The following DYNLL1 variants were observed in gnomAD, a reference collection of about 807,000 sequenced individuals.
DYNLL1 encodes the protein dynein light chain 1, cytoplasmic.
DYNLL1 carries 3 observed loss-of-function variants against 10.1 expected under a neutral mutation model. That is an observed-to-expected ratio of 0.30 (90% CI 0.14 to 0.77). The LOEUF (loss-of-function observed/expected upper bound fraction) is 0.77. Ranked by LOEUF, DYNLL1 falls within the 30% of genes least tolerant of loss-of-function variation. The pLI, the probability that DYNLL1 is intolerant of heterozygous loss-of-function variation, is 0.66. For missense variants in DYNLL1, 47 were observed against 111.7 expected, an observed-to-expected ratio of 0.42 and a Z score of 2.61; for synonymous variants, 46 against 41.2, an observed-to-expected ratio of 1.12 and a Z score of -0.45.
intron 2 of DYNLL1, chr12:120,497,355 A>G (rs1174253662): frequency 6.6e-6 from 1 of 152,662 alleles, no homozygotes; most frequent in Non-Finnish European, 1.5e-5. Context: ...TTAGGGTGGG[A>G]GAAATGGTGA....
chr12:120,479,767 G>C (rs887311854), intron 1 of DYNLL1, among the ~76,000 whole-genome samples: 1 of 152,320 alleles, frequency 6.6e-6, no homozygotes, highest in African/African-American at 2.4e-5. Flanking sequence ...GTTCAGCACA[G>C]TTAGAGCATG....
chr12:120,498,298 G>C lies in DYNLL1; in HGVS notation c.*88G>C, dbSNP rs187531165. On this transcript the variant is annotated 3_prime_UTR_variant, in exon 3 of 3. Coordinates refer to ENST00000242577, the MANE Select transcript of DYNLL1 (RefSeq NM_003746.3). Reference sequence around the variant, plus strand: ...CAAATACCAGAGACTGAAATTTTCAGCCTTGCTAAGGGAACATCTCGATGT... The same window carrying C: ...CAAATACCAGAGACTGAAATTTTCACCCTTGCTAAGGGAACATCTCGATGT... 1 of 1,498,136 alleles carries C rather than the reference G, an allele frequency of 6.7e-7. No individual in the cohort carries two copies. Among genetic ancestry groups the C allele is most frequent in the East Asian group, 2.3e-5 (1 of 43,704 alleles). 92.8% of individuals were successfully genotyped at this position (1,498,136 alleles called of 1,614,324 possible). A position where few individuals can be genotyped will look rare whatever the true frequency, so the allele number is the denominator to read the frequency against.
chr12:120,485,109 T>C (rs549147447), intron 1 of DYNLL1, among the ~76,000 whole-genome samples: 13 of 152,320 alleles, frequency 8.5e-5, no homozygotes, highest in Middle Eastern at 6.8e-3. Context: ...CCCAGCACTT[T>C]GGGAGGTGAA....
intron 2 of DYNLL1, chr12:120,497,455 ATAAT>A (rs1373585258): frequency 6.6e-6 from 1 of 152,532 alleles, no homozygotes; most frequent in African/African-American, 2.4e-5. Context: ...TGTTTGGATA[ATAAT>A]TAAGGATAAA....
chr12:120,487,775 C>T (rs1879031543), intron 1 of DYNLL1, among the ~76,000 whole-genome samples: 1 of 152,134 alleles, frequency 6.6e-6, no homozygotes, highest in Non-Finnish European at 1.5e-5. Context: ...CAGACTTATC[C>T]CATAACCTTC....
At chr12:120,482,367 G>A (rs1878900609) in intron 1 of DYNLL1, among the ~76,000 whole-genome samples, 2 of 151,372 alleles carry the variant, frequency 1.3e-5, no homozygotes, top group East Asian at 3.9e-4. Context: ...CTATCGCCCA[G>A]GCTGTAGTGC....
intron 1 of DYNLL1, among the ~76,000 whole-genome samples, chr12:120,480,682 C>T (rs1677209048): frequency 6.6e-6 from 1 of 152,154 alleles, no homozygotes; most frequent in Admixed American, 6.6e-5. Context: ...GTGACCCAAT[C>T]TAGAACTTTC....
At chr12:120,478,452 C>T (rs562398855) in intron 1 of DYNLL1, among the ~76,000 whole-genome samples, 1 of 150,408 alleles carries the variant, frequency 6.6e-6, no homozygotes, top group East Asian at 2.0e-4. Context: ...CACTATATTA[C>T]CTAGGCTGGT....
intron 2 of DYNLL1, chr12:120,497,460 T>G (rs1312141689): frequency 3.9e-5 from 6 of 152,482 alleles, no homozygotes; most frequent in African/African-American, 1.4e-4. Flanking sequence ...GGATAATAAT[T>G]AAGGATAAAA....
chr12:120,494,571 C>T (rs547597843), upstream of DYNLL1, among the ~76,000 whole-genome samples: 51 of 152,274 alleles, frequency 3.3e-4, 1 homozygote, highest in Non-Finnish European at 4.9e-4. Context: ...CCACCGCACC[C>T]GGCCTATTCC....
intron 1 of DYNLL1, among the ~76,000 whole-genome samples, chr12:120,485,132 G>C (rs1178621949): frequency 6.6e-6 from 1 of 152,072 alleles, no homozygotes; most frequent in Non-Finnish European, 1.5e-5. Flanking sequence ...CAGGATGCCT[G>C]CTTGAGCCCA....
chr12:120,496,693 G>C (rs1300251350), intron 2 of DYNLL1, 140 bp downstream of exon 2: 1 of 1,387,052 alleles, frequency 7.2e-7, no homozygotes, highest in Non-Finnish European at 1.0e-6. Context: ...AAAGGACGCA[G>C]ATGCATTTTG....
At chr12:120,488,813 TGA>T (rs1879055773) in intron 1 of DYNLL1, among the ~76,000 whole-genome samples, 1 of 152,070 alleles carries the variant, frequency 6.6e-6, no homozygotes, top group Admixed American at 6.6e-5. Flanking sequence ...CTGAGGAGGC[TGA>T]GACAGGAGGA....
chr12:120,491,235 C>CTAT (rs1371147131), upstream of DYNLL1: 4 of 152,398 alleles, frequency 2.6e-5, no homozygotes, highest in East Asian at 7.7e-4. Context: ...CGGTGCTTGA[C>CTAT]TATTAGCCAG....
chr12:120,482,983 A>T (rs568470127), intron 1 of DYNLL1, among the ~76,000 whole-genome samples: 5 of 152,166 alleles, frequency 3.3e-5, no homozygotes, highest in African/African-American at 1.2e-4. Context: ...CGAGAGGCTG[A>T]CGCAGGAGGA....
chr12:120,493,275 C>T (rs1477730636), upstream of DYNLL1, among the ~76,000 whole-genome samples: 3 of 152,160 alleles, frequency 2.0e-5, no homozygotes, highest in East Asian at 3.9e-4. Context: ...CGATGGCTCA[C>T]GCCTGTAATC....
At chr12:120,486,363 G>A (rs1240775199) in intron 1 of DYNLL1, among the ~76,000 whole-genome samples, 1 of 152,130 alleles carries the variant, frequency 6.6e-6, no homozygotes, top group Non-Finnish European at 1.5e-5. Context: ...ATCCTAAGAT[G>A]ATAAGTTTGG....
upstream of DYNLL1, among the ~76,000 whole-genome samples, chr12:120,494,830 T>C (rs994777886): frequency 6.6e-6 from 1 of 152,186 alleles, no homozygotes; most frequent in African/African-American, 2.4e-5. Flanking sequence ...AGCTTCCAGA[T>C]ACATGATTAA....
At chr12:120,480,004 G>A (rs1407520873) in intron 1 of DYNLL1, among the ~76,000 whole-genome samples, 1 of 152,116 alleles carries the variant, frequency 6.6e-6, no homozygotes, top group Non-Finnish European at 1.5e-5. Context: ...CTGGGGGAAG[G>A]GGCCTTGAGG....
Sources: gnomAD v4.1 joint callset for allele counts (sites outside exome capture counted in the v4.1 genomes callset) on GRCh38, gnomAD v4.1.1 for gene constraint, MANE v1.5 for transcripts, NCBI Gene and HGNC (gene_info 2026-07-23, HGNC 2026-07-21) for gene names.